The following CTNND2 variants were observed in gnomAD, a reference collection of about 807,000 sequenced individuals.
CTNND2 encodes the protein catenin delta-2.
In CTNND2, 22 loss-of-function variants were observed where a neutral mutation model predicts 144.4. The ratio of observed to expected loss-of-function variants is 0.15; its 90% confidence interval spans 0.11 to 0.22. The LOEUF (loss-of-function observed/expected upper bound fraction) is 0.22, where lower values mean the gene tolerates loss of function less well. Ranked by LOEUF, CTNND2 falls within the 10% of genes least tolerant of loss-of-function variation. The pLI is 1.00. For missense variants in CTNND2, 1,353 were observed against 1,618.8 expected (o/e 0.84, Z 2.82); for synonymous variants, 751 against 695.6 (o/e 1.08, Z -1.25).
chr5:10,995,671 T>C (rs1186207667), intron 18 of CTNND2, among the ~76,000 whole-genome samples: 4 of 151,916 alleles, frequency 2.6e-5, no homozygotes. Context: ...CGTGTGCTGA[T>C]GGGAATGACT....
At chr5:11,122,304 T>A (rs952442485) in intron 12 of CTNND2, among the ~76,000 whole-genome samples, 1 of 151,936 alleles carries the variant, frequency 6.6e-6, no homozygotes, top group African/African-American at 2.4e-5. Context: ...GCAAGTAAAA[T>A]TAGTTCAAGA....
intron 3 of CTNND2, among the ~76,000 whole-genome samples, chr5:11,542,317 A>G (rs927675305): frequency 5.9e-5 from 9 of 152,154 alleles, no homozygotes; most frequent in African/African-American, 2.2e-4. Context: ...CATTATTTCA[A>G]ATGTCCTTTT....
chr5:11,689,745 TA>T lies in CTNND2; in HGVS notation c.174+42390del, dbSNP rs148243860. Among the ~76,000 whole-genome samples, 722 of 150,800 alleles carry T rather than the reference TA, an allele frequency of 4.8e-3. 6 individuals are homozygous for T. Among genetic ancestry groups the T allele is most frequent in the African/African-American group, 0.016 (665 of 41,198 alleles). On this transcript the variant is annotated intron_variant, in intron 2 of 21. Coordinates refer to ENST00000304623, the MANE Select transcript of CTNND2 (RefSeq NM_001332.4). Reference sequence around the variant, plus strand: ...CAAAAGTGGTGAGACAGTATCTTCATAAAAAAAAAGGGATCAATTACATTGA... The same window carrying T: ...CAAAAGTGGTGAGACAGTATCTTCATAAAAAAAAGGGATCAATTACATTGA...
At position 11,364,768 on chromosome 5, in the gene CTNND2, T is replaced by C. The variant is rs775656457; in HGVS notation, c.1300A>G (p.Met434Val). Reference protein sequence around the residue: ...YEDRVYQKPPMRSLSQSQGDP... With the variant: ...YEDRVYQKPPVRSLSQSQGDP... ...CCCTGGCTCTGGCTGAGACTCCTCA[T>C]AGGGGGCTTCTGATAGACGCGGTCT... Residue 434 changes from methionine (M) to valine (V), a missense_variant, in exon 8 of 22, where the codon ATG becomes GTG. By Grantham distance (21) the Met-to-Val change is conservative (BLOSUM62 1). This residue lies in a region of CTNND2 where 708 missense variants were observed against 706.4 expected (regional missense o/e 1.00). Transcript: ENST00000304623. The C allele has an allele frequency of 7.4e-6, 12 of 1,613,798 alleles. No homozygotes were observed. The highest frequency in any genetic ancestry group is 2.2e-5 in the South Asian group (2 of 91,080).
intron 2 of CTNND2, among the ~76,000 whole-genome samples, chr5:11,580,770 C>A (rs570309338): frequency 6.6e-6 from 1 of 152,164 alleles, no homozygotes; most frequent in African/African-American, 2.4e-5. Flanking sequence ...TAAAATGATT[C>A]TATCTTCTGT....
chr5:11,522,969 T>C (rs1353679021), intron 3 of CTNND2, among the ~76,000 whole-genome samples: 1 of 152,226 alleles, frequency 6.6e-6, no homozygotes, highest in Non-Finnish European at 1.5e-5. Context: ...TTTCAGCATA[T>C]ATTCTCCAAC....
At chr5:11,493,606 C>T (rs2149997292) in intron 3 of CTNND2, among the ~76,000 whole-genome samples, 1 of 152,296 alleles carries the variant, frequency 6.6e-6, no homozygotes, top group South Asian at 2.1e-4. Flanking sequence ...ATATAATTGT[C>T]TAGAAGTCAT....
intron 2 of CTNND2, among the ~76,000 whole-genome samples, chr5:11,724,582 G>A (rs551273189): frequency 1.9e-3 from 282 of 152,276 alleles, no homozygotes; most frequent in Non-Finnish European, 3.0e-3. Context: ...GTGGGCATGG[G>A]TGCTGGCCAA....
chr5:11,600,667 A>G (rs1369849146), intron 2 of CTNND2, among the ~76,000 whole-genome samples: 1 of 146,094 alleles, frequency 6.8e-6, no homozygotes, highest in Non-Finnish European at 1.5e-5. Flanking sequence ...GATCACACCA[A>G]TGCACTCCAG....
intron 3 of CTNND2, among the ~76,000 whole-genome samples, chr5:11,561,639 T>C (rs567730255): frequency 1.3e-5 from 2 of 152,350 alleles, no homozygotes; most frequent in Admixed American, 1.3e-4. Flanking sequence ...TCCCGCAAAT[T>C]CCTAGCATCC....
At chr5:11,773,241 T>C (rs1194864467) in intron 1 of CTNND2, among the ~76,000 whole-genome samples, 1 of 152,238 alleles carries the variant, frequency 6.6e-6, no homozygotes, top group Admixed American at 6.5e-5. Flanking sequence ...TGATTTTTTT[T>C]CCAAGCAGTA....
intron 10 of CTNND2, among the ~76,000 whole-genome samples, chr5:11,210,287 A>G (rs889547051): frequency 6.6e-6 from 1 of 152,056 alleles, no homozygotes; most frequent in Non-Finnish European, 1.5e-5. Context: ...AATCCCAGCT[A>G]CTCAGGAGGC....
chr5:11,463,151 T>C (rs1321795403), intron 3 of CTNND2, among the ~76,000 whole-genome samples: 1 of 152,226 alleles, frequency 6.6e-6, no homozygotes, highest in Admixed American at 6.5e-5. Context: ...GAAAATATAT[T>C]CAAATAATAA....
chr5:11,294,191 AAAC>A (rs1361832096), intron 9 of CTNND2, among the ~76,000 whole-genome samples: 1 of 151,996 alleles, frequency 6.6e-6, no homozygotes, highest in Non-Finnish European at 1.5e-5. Context: ...AAAAAAAAAA[AAAC>A]AAAGCCAGTT....
intron 5 of CTNND2, among the ~76,000 whole-genome samples, chr5:11,398,693 G>A (rs1165541717): frequency 6.6e-6 from 1 of 152,080 alleles, no homozygotes; most frequent in African/African-American, 2.4e-5. Context: ...TTTAATTTAA[G>A]AAACCCAGTC....
At chr5:11,292,196 T>C (rs1748422944) in intron 9 of CTNND2, among the ~76,000 whole-genome samples, 1 of 152,124 alleles carries the variant, frequency 6.6e-6, no homozygotes, top group South Asian at 2.1e-4. Flanking sequence ...AATTATGAGT[T>C]GTGTTGTATC....
chr5:11,079,983 A>G (rs1423171910), intron 16 of CTNND2, among the ~76,000 whole-genome samples: 1 of 152,202 alleles, frequency 6.6e-6, no homozygotes, highest in Non-Finnish European at 1.5e-5. Context: ...ATGGGATTGC[A>G]TCAAACTAAA....
chr5:11,246,741 G>T (rs1443365143), intron 9 of CTNND2, among the ~76,000 whole-genome samples: 1 of 144,158 alleles, frequency 6.9e-6, no homozygotes, highest in Non-Finnish European at 1.5e-5. Context: ...GTGGGGGGTG[G>T]TTATTATAAA....
At chr5:10,985,801 G>T (rs183467416) in intron 20 of CTNND2, among the ~76,000 whole-genome samples, 11 of 152,264 alleles carry the variant, frequency 7.2e-5, no homozygotes, top group African/African-American at 2.4e-4. Context: ...CAAGGTGGGG[G>T]TTGTAAACTC....
Sources: allele counts gnomAD v4.1 joint callset (sites outside exome capture counted in the v4.1 genomes callset), GRCh38; gene constraint gnomAD v4.1.1; regional missense constraint gnomAD v4.1.1; transcripts MANE v1.5; gene names NCBI Gene and HGNC (gene_info 2026-07-23, HGNC 2026-07-21).